Variants in FLII observed in about 807,000 individuals in gnomAD.
FLII encodes the protein protein flightless-1 homolog.
Under a neutral mutation model 156.2 loss-of-function variants are expected in FLII, and 101 were observed. The observed-to-expected ratio is 0.65, with a 90% confidence interval of 0.55 to 0.76. The LOEUF is 0.76. FLII is among the 30% of genes least tolerant of loss of function. The pLI, the probability that FLII is intolerant of heterozygous loss-of-function variation, is 0.00. For synonymous variants in FLII, 767 were observed against 685.8 expected (o/e 1.12, Z -1.85); for missense variants, 1,675 against 1,682.8 (o/e 1.00, Z 0.08).
rs1424439577 is a variant in FLII at position 18,250,916 on chromosome 17, G to A, written c.1698C>T (p.Val566=). The change falls in exon 14 of 30, where the codon GTC becomes GTT. Residue 566 remains valine, a synonymous_variant. Coordinates refer to ENST00000327031, the MANE Select transcript of FLII (RefSeq NM_002018.4). ...DKKACSAIHA[V]NLRNYLGAEC... ...CAGCACCCAGGTAGTTGCGCAAGTT[G>A]ACAGCGTGGATGGCAGAGCAAGCTT... 5.6e-6 allele frequency: 9 copies of A among 1,613,922 alleles called. No homozygotes were observed. The East Asian group carries it at 6.7e-5, about 12-fold the overall frequency.
chr17:18,248,846 C>G lies in FLII; in HGVS notation c.1972G>C (p.Val658Leu), dbSNP rs199518863. The G allele has an allele frequency of 5.6e-6, 9 of 1,613,894 alleles. No homozygotes were observed. In the East Asian group the frequency reaches 1.6e-4, roughly 28 times the overall value. Reference protein sequence around the residue: ...FLLDRGLDIYVWRGAQATLSS... With the variant: ...FLLDRGLDIYLWRGAQATLSS... ...AGTGTGGCCTGGGCCCCCCGCCATA[C>G]GTAGATGTCTAGCCCTCGGTCCAGC... The change falls in exon 17 of 30, where the codon GTA becomes CTA. Residue 658 changes from valine to leucine, a missense_variant. This residue lies in a region of FLII where 1,332 missense variants were observed against 1,269.3 expected (regional missense o/e 1.05). Transcript: ENST00000327031.
intron 9 of FLII, 89 bp from the exon 10 acceptor site, chr17:18,252,645 A>G: frequency 2.0e-6 from 2 of 1,025,488 alleles, no homozygotes; most frequent in Non-Finnish European, 3.1e-6. Flanking sequence ...GAGGGGAGGC[A>G]GGTAGGGTCA....
chr17:18,251,023 A>T lies in FLII; in HGVS notation c.1597-6T>A. On this transcript the variant is annotated splice_polypyrimidine_tract_variant and splice_region_variant and intron_variant, in intron 13 of 29. Transcript: ENST00000327031. Reference sequence around the variant, plus strand: ...CCGCTGTCATCCAGAAAGGTCTGGAAGCCAAGGCACCGGCCACATCAGCTT... The same window carrying T: ...CCGCTGTCATCCAGAAAGGTCTGGATGCCAAGGCACCGGCCACATCAGCTT... 1 of 1,611,800 alleles carries T rather than the reference A, an allele frequency of 6.2e-7. No homozygotes were observed. The highest frequency in any genetic ancestry group is 1.1e-5 in the South Asian group (1 of 90,948).
chr17:18,253,692 G>A lies in FLII; in HGVS notation c.707C>T (p.Thr236Ile). The A allele has an allele frequency of 6.2e-7, 1 of 1,613,068 alleles. No individual in the cohort carries two copies. Among genetic ancestry groups the A allele is most frequent in the South Asian group, 1.1e-5 (1 of 91,022 alleles). Residue 236 changes from threonine to isoleucine, a missense_variant, in exon 8 of 30, where the codon ACA becomes ATA. By Grantham distance (89) the Thr-to-Ile change is moderately conservative (BLOSUM62 -1). This residue lies in a region of FLII where 343 missense variants were observed against 413.5 expected (regional missense o/e 0.83). Coordinates refer to ENST00000327031, the MANE Select transcript of FLII (RefSeq NM_002018.4). ...ADVDLSCNDLTRVPECLYTLP... is the reference protein window; with the variant it reads ...ADVDLSCNDLIRVPECLYTLP... ...GGTGTACAGACACTCGGGCACCCGT[G>A]TCAGGTCATTGCAGGACAGATCCAC...
At position 18,247,261 on chromosome 17, in the gene FLII, T is replaced by C; in HGVS notation, c.2584A>G (p.Lys862Glu). 1.9e-6 allele frequency: 3 copies of C among 1,610,992 alleles called. No individual in the cohort carries two copies. Among genetic ancestry groups the C allele is most frequent in the Non-Finnish European group, 2.5e-6 (3 of 1,179,714 alleles). Residue 862 changes from lysine to glutamate, a missense_variant, in exon 21 of 30, where the codon AAG (lysine) becomes GAG (glutamate). Lys to Glu is a moderately conservative substitution (Grantham distance 56, BLOSUM62 1). Around this residue, in one of 2 missense-constraint regions of FLII, gnomAD observed 1,332 missense variants for 1,269.3 expected, o/e 1.05. Coordinates refer to ENST00000327031, the MANE Select transcript of FLII (RefSeq NM_002018.4). ...TTCTTCTCGGCGTCGCGTTTCACCT[T>C]CCCGGAGAGACCCGGGCTCTGCAGC... ...AVLQSPGLSG[K>E]VKRDAEKKDQ...
intron 18 of FLII, 53 bp downstream of exon 18, chr17:18,248,497 C>G (rs1293885861): frequency 6.5e-7 from 1 of 1,527,190 alleles, no homozygotes; most frequent in Admixed American, 1.9e-5. Context: ...TCCATTCCCC[C>G]AGTCGGTGGG....
chr17:18,248,177 G>C, intron 18 of FLII, 144 bp from the exon 19 acceptor site: 1 of 619,430 alleles, frequency 1.6e-6, no homozygotes, highest in Non-Finnish European at 2.8e-6. Flanking sequence ...GGTCTTTTTA[G>C]GGATATCCTT....
At chr17:18,252,171 GGC>G in intron 10 of FLII, 25 bp from the exon 11 acceptor site, 3 of 1,600,620 alleles carry the variant, frequency 1.9e-6, no homozygotes, top group Non-Finnish European at 2.6e-6. Flanking sequence ...GAGCAGAGCC[GGC>G]ACTGAGCCTG....
chr17:18,248,516 G>A (rs146270992), intron 18 of FLII, 34 bp downstream of exon 18: 7 of 1,566,236 alleles, frequency 4.5e-6, no homozygotes, highest in Non-Finnish European at 6.1e-6. Context: ...GGTGAACTTG[G>A]GAGGCCAAGG....
At chr17:18,254,984 A>G (rs1217698660) in intron 4 of FLII, 130 bp from the exon 5 acceptor site, 15 of 985,840 alleles carry the variant, frequency 1.5e-5, no homozygotes, top group Non-Finnish European at 2.3e-5. Flanking sequence ...CCAAAGGGAG[A>G]CAGCCAGGGA....
chr17:18,245,192 G>A lies in FLII; in HGVS notation c.3756C>T (p.His1252=), dbSNP rs547009769. The change falls in exon 30 of 30, where the codon CAC becomes CAT. Residue 1252 remains histidine (H), a synonymous_variant. Coordinates refer to ENST00000327031, the MANE Select transcript of FLII (RefSeq NM_002018.4). ...AGGCGTGGAAGCAGCGGGTAAAGGC[G>A]TGCTGCTCATTGCCCTTGCGGACCA... ...LRLVRKGNEQ[H]AFTRCFHAWS... The A allele has an allele frequency of 6.8e-6, 11 of 1,613,804 alleles. No homozygotes were observed. Among genetic ancestry groups the A allele is most frequent in the East Asian group, 4.5e-5 (2 of 44,898 alleles).
In FLII at chr17:18,245,925, C is replaced by A. The variant is rs1309940046; in HGVS notation, c.3396+9G>T. 1 of 1,614,102 alleles carries A rather than the reference C, an allele frequency of 6.2e-7. No individual in the cohort carries two copies. Among genetic ancestry groups the A allele is most frequent in the Admixed American group, 1.7e-5 (1 of 60,022 alleles). On this transcript the variant is annotated intron_variant, in intron 26 of 29. Transcript: ENST00000327031. The stretch of plus-strand genomic sequence containing the variant: ...CTGTGTGTGCCCGCCTGCCCGCCCG[C>A]CTCCTGACCTGCTTGCTGTAGGAGG...
At chr17:18,253,060 G>T (rs1421776091) in intron 9 of FLII, among the ~76,000 whole-genome samples, 1 of 152,232 alleles carries the variant, frequency 6.6e-6, no homozygotes, top group Non-Finnish European at 1.5e-5. Context: ...TGAGGCAGGA[G>T]ATTCGCTTGA....
In FLII at chr17:18,245,394, G is replaced by A. The variant is rs780405351; in HGVS notation, c.3635C>T (p.Thr1212Ile). ...GCTCAGCTTGATCTCCACCTGGCTA[G>A]TCTGGGTCCCCACCCACATGTAGAC... ...QEVYMWVGTQ[T>I]SQVEIKLSLK... The change falls in exon 29 of 30, where the codon ACT becomes ATT. Residue 1212 changes from threonine (T) to isoleucine (I), a missense_variant. This residue lies in a region of FLII where 1,332 missense variants were observed against 1,269.3 expected (regional missense o/e 1.05). Coordinates refer to ENST00000327031, the MANE Select transcript of FLII (RefSeq NM_002018.4). The A allele has an allele frequency of 1.9e-6, 3 of 1,614,214 alleles. No individual in the cohort carries two copies. The highest frequency in any genetic ancestry group is 2.5e-6 in the Non-Finnish European group (3 of 1,180,040).
chr17:18,247,996 A>G lies in FLII; in HGVS notation c.2228T>C (p.Ile743Thr). ...LGLGYLELPQ[I>T]NYKLSVEHKQ... ...ATGTTCCACGGAGAGCTTGTAGTTGATCTGTGGCAGCTCCAGGTAGCCCAA... is the reference window on the plus strand; with the variant it reads ...ATGTTCCACGGAGAGCTTGTAGTTGGTCTGTGGCAGCTCCAGGTAGCCCAA... Residue 743 changes from isoleucine to threonine, a missense_variant, in exon 19 of 30, where the codon ATC becomes ACC. Ile to Thr is a moderately conservative substitution (Grantham distance 89, BLOSUM62 -1). This residue lies in a region of FLII where 1,332 missense variants were observed against 1,269.3 expected (regional missense o/e 1.05). Coordinates refer to ENST00000327031, the MANE Select transcript of FLII (RefSeq NM_002018.4). The G allele has an allele frequency of 6.2e-7, 1 of 1,613,868 alleles. No individual in the cohort carries two copies. The highest frequency in any genetic ancestry group is 1.3e-5 in the African/African-American group (1 of 74,982).
intron 18 of FLII, among the ~76,000 whole-genome samples, 166 bp from the exon 19 acceptor site, chr17:18,248,199 T>C (rs1390287397): frequency 6.6e-6 from 1 of 152,190 alleles, no homozygotes; most frequent in Non-Finnish European, 1.5e-5. Flanking sequence ...CAGAAGGGCT[T>C]TTAAATGGAG....
In FLII at chr17:18,248,882, A is replaced by C. The variant is rs2048172095; in HGVS notation, c.1936T>G (p.Phe646Val). ...PLKGTSLDPR[F>V]VFLLDRGLDI... Reference sequence around the variant, plus strand: ...AGCCCTCGGTCCAGCAGGAAAACAAACCTGGACAAGAAGGGGCAGGAAGGA... The same window carrying C: ...AGCCCTCGGTCCAGCAGGAAAACAACCCTGGACAAGAAGGGGCAGGAAGGA... Residue 646 changes from phenylalanine (F) to valine (V), a missense_variant and splice_region_variant, in exon 17 of 30, where the codon TTT becomes GTT. By Grantham distance (50) the Phe-to-Val change is conservative. This residue lies in a region of FLII where 1,332 missense variants were observed against 1,269.3 expected (regional missense o/e 1.05). Transcript: ENST00000327031. The C allele has an allele frequency of 1.2e-6, 2 of 1,613,532 alleles. No homozygotes were observed. Among genetic ancestry groups the C allele is most frequent in the African/African-American group, 2.7e-5 (2 of 75,014 alleles).
In FLII at chr17:18,257,323, G is replaced by A. The variant is rs539319596; in HGVS notation, c.64-304C>T. ...CAGCATCCGGCTCTGTGGTTAGCTC[G>A]GCTCAAATTCCTTCACCTAGCATTC... On this transcript the variant is annotated intron_variant, in intron 1 of 29. Transcript: ENST00000327031. The A allele has an allele frequency of 8.5e-4, 315 of 369,730 alleles. 2 individuals carry two copies. Among genetic ancestry groups the A allele is most frequent in the African/African-American group, 5.9e-3 (280 of 47,466 alleles). The allele number at this position is 369,730 out of a possible 1,614,324, so 22.9% of individuals were successfully genotyped here. A position where few individuals can be genotyped will look rare whatever the true frequency, so the allele number is the denominator to read the frequency against.
chr17:18,251,703 G>A lies in FLII; in HGVS notation c.1360C>T (p.Gln454Ter), dbSNP rs2048273930. The change falls in exon 12 of 30, where the codon CAG becomes TAG. Residue 454 changes from glutamine (Q) to a stop codon, truncating the protein, a stop_gained. Coordinates refer to ENST00000327031, the MANE Select transcript of FLII (RefSeq NM_002018.4). LOFTEE classifies it high-confidence loss of function. ...ACCTCCTGCTTTTTGTTCTTCTCCT[G>A]GGCAACATCTGACATGCCCTTCAGC... Reference protein sequence around the residue: ...QVLKGMSDVAQEKNKKQEESA... With the variant: ...QVLKGMSDVA 6.2e-7 allele frequency: 1 copy of A among 1,613,872 alleles called. No individual in the cohort carries two copies. Among genetic ancestry groups the A allele is most frequent in the Non-Finnish European group, 8.5e-7 (1 of 1,180,028 alleles).
Sources: allele counts gnomAD v4.1 joint callset (sites outside exome capture counted in the v4.1 genomes callset), GRCh38; gene constraint gnomAD v4.1.1; regional missense constraint gnomAD v4.1.1; transcripts MANE v1.5; gene names NCBI Gene and HGNC (gene_info 2026-07-23, HGNC 2026-07-21).